Variants in DKK2 observed in about 807,000 individuals in gnomAD.
The protein encoded by DKK2 is dickkopf Wnt signaling pathway inhibitor 2, also known as dickkopf-related protein 2.
DKK2 carries 11 observed loss-of-function variants against 28.1 expected under a neutral mutation model. The observed-to-expected ratio is 0.39, with a 90% CI of 0.25 to 0.65. DKK2 has a LOEUF of 0.65. Ranked by LOEUF, DKK2 falls within the 30% of genes least tolerant of loss-of-function variation. DKK2 has a pLI of 0.47. For synonymous variants in DKK2, 135 were observed against 126.5 expected (o/e 1.07, Z -0.45); for missense variants, 326 against 335.5 (o/e 0.97, Z 0.22).
chr4:106,938,867 A>T (rs1335776651), intron 1 of DKK2, among the ~76,000 whole-genome samples: 52 of 151,466 alleles, frequency 3.4e-4, no homozygotes, highest in Non-Finnish European at 6.9e-4. Flanking sequence ...AAACCACATG[A>T]TTATCTCAAT....
chr4:106,983,395 GA>G (rs1404294017), intron 1 of DKK2, among the ~76,000 whole-genome samples: 4 of 147,360 alleles, frequency 2.7e-5, no homozygotes, highest in Non-Finnish European at 4.5e-5. Flanking sequence ...AAAAGAAAAA[GA>G]AAAAACTTCA....
At chr4:106,945,813 G>T (rs765638074) in intron 1 of DKK2, among the ~76,000 whole-genome samples, 1 of 152,108 alleles carries the variant, frequency 6.6e-6, no homozygotes, top group South Asian at 2.1e-4. Flanking sequence ...CACAAAAATT[G>T]TCTGGGAATT....
chr4:106,934,058 TACACACACACACAC>T (rs148355721), intron 1 of DKK2, among the ~76,000 whole-genome samples: 1 of 140,662 alleles, frequency 7.1e-6, no homozygotes, highest in African/African-American at 2.6e-5. Context: ...TACACACAGA[TACACACACACACAC>T]ACACACACAC....
At chr4:107,007,232 A>C (rs1467908052) in intron 1 of DKK2, among the ~76,000 whole-genome samples, 2 of 152,122 alleles carry the variant, frequency 1.3e-5, no homozygotes, top group Non-Finnish European at 2.9e-5. Context: ...TCTACATGGA[A>C]TTTTAATATC....
chr4:107,013,852 AAAT>A (rs1274530164), intron 1 of DKK2, among the ~76,000 whole-genome samples: 1 of 151,562 alleles, frequency 6.6e-6, no homozygotes, highest in African/African-American at 2.4e-5. Context: ...AGCAAAAAAC[AAAT>A]AATCTCATTT....
rs984193459 is a variant in DKK2 at position 106,921,865 on chromosome 4, A to G, written c.*2089T>C. 6.6e-6 allele frequency: 1 copy of G among 152,608 alleles called. No homozygotes were observed. Among genetic ancestry groups the G allele is most frequent in the African/African-American group, 2.4e-5 (1 of 41,460 alleles). 9.5% of individuals were successfully genotyped at this position (152,608 alleles called of 1,614,324 possible). A position where few individuals can be genotyped will look rare whatever the true frequency, so the allele number is the denominator to read the frequency against. On this transcript the variant is annotated 3_prime_UTR_variant, in exon 4 of 4. Transcript: ENST00000285311. ...TTATTATACATTTTTCCTAAATTAC[A>G]AAGTCAATAGCTGCAAATATATTCT...
intron 1 of DKK2, among the ~76,000 whole-genome samples, chr4:106,993,817 C>A (rs752727977): frequency 1.3e-5 from 2 of 152,026 alleles, no homozygotes; most frequent in East Asian, 1.9e-4. Context: ...TCGGAAGCTG[C>A]GGGGAAAATA....
chr4:106,969,463 C>A (rs1265401318), intron 1 of DKK2, among the ~76,000 whole-genome samples: 1 of 150,860 alleles, frequency 6.6e-6, no homozygotes, highest in Admixed American at 6.6e-5. Context: ...CACAGTTAAA[C>A]AGAAAAAAAA....
chr4:106,944,382 A>T (rs754119310), intron 1 of DKK2, among the ~76,000 whole-genome samples: 13 of 152,146 alleles, frequency 8.5e-5, no homozygotes, highest in Non-Finnish European at 1.3e-4. Flanking sequence ...CTAGGTATTG[A>T]ACCAAATTCA....
At chr4:106,965,107 T>C (rs1722752519) in intron 1 of DKK2, among the ~76,000 whole-genome samples, 1 of 152,116 alleles carries the variant, frequency 6.6e-6, no homozygotes, top group South Asian at 2.1e-4. Context: ...AAATAAGAAA[T>C]ATATTTATCT....
rs71590172 is a variant in DKK2 at position 106,972,421 on chromosome 4, T to TAA, written c.223-46474_223-46473dup. On this transcript the variant is annotated intron_variant, in intron 1 of 3. Coordinates refer to ENST00000285311, the MANE Select transcript of DKK2 (RefSeq NM_014421.3). ...CTTTCCAGGTTTAACAATGAAAATC[T>TAA]AAAAAAAAAAAAAAGACTTTGTTTC... Among the ~76,000 whole-genome samples the TAA allele has an allele frequency of 9.3e-4, 129 of 138,208 alleles. 2 individuals carry two copies. Among genetic ancestry groups the TAA allele is most frequent in the East Asian group, 5.0e-3 (24 of 4,838 alleles). The allele number at this position is 138,208 out of a possible 152,430, so 90.7% of individuals were successfully genotyped here. A position where few individuals can be genotyped will look rare whatever the true frequency, so the allele number is the denominator to read the frequency against.
intron 1 of DKK2, among the ~76,000 whole-genome samples, chr4:107,017,822 A>G (rs1468047725): frequency 1.3e-5 from 2 of 151,960 alleles, no homozygotes; most frequent in Non-Finnish European, 2.9e-5. Flanking sequence ...AGTTTTATAC[A>G]TTTGCCAGTT....
At chr4:106,951,599 C>T (rs1344258958) in intron 1 of DKK2, among the ~76,000 whole-genome samples, 1 of 151,966 alleles carries the variant, frequency 6.6e-6, no homozygotes, top group Non-Finnish European at 1.5e-5. Flanking sequence ...TTGCATATTC[C>T]CACTCATACA....
intron 1 of DKK2, among the ~76,000 whole-genome samples, chr4:106,975,448 ACT>A (rs1408590053): frequency 6.6e-6 from 1 of 150,730 alleles, no homozygotes; most frequent in Non-Finnish European, 1.5e-5. Flanking sequence ...CAGGGATTCG[ACT>A]CTTCCTGGTT....
At chr4:107,015,469 A>G (rs1723584027) in intron 1 of DKK2, among the ~76,000 whole-genome samples, 1 of 151,648 alleles carries the variant, frequency 6.6e-6, no homozygotes. Context: ...CTTTAGACAT[A>G]CAGGATTTGG....
intron 1 of DKK2, among the ~76,000 whole-genome samples, chr4:106,943,559 A>C (rs1190473127): frequency 6.6e-6 from 1 of 152,128 alleles, no homozygotes; most frequent in Admixed American, 6.6e-5. Context: ...TAACCTATAC[A>C]GTATAGAGGG....
At chr4:106,988,075 A>G (rs1560586866) in intron 1 of DKK2, among the ~76,000 whole-genome samples, 1 of 152,148 alleles carries the variant, frequency 6.6e-6, no homozygotes, top group Non-Finnish European at 1.5e-5. Context: ...CATGTTAGCC[A>G]GGATGGTCTC....
intron 1 of DKK2, among the ~76,000 whole-genome samples, chr4:107,011,199 T>G (rs896951774): frequency 6.6e-6 from 1 of 151,558 alleles, no homozygotes; most frequent in African/African-American, 2.4e-5. Flanking sequence ...AGTTGCAATA[T>G]GGAATCTGAA....
chr4:107,002,405 A>C (rs1050324063), intron 1 of DKK2, among the ~76,000 whole-genome samples: 2 of 152,210 alleles, frequency 1.3e-5, no homozygotes, highest in Non-Finnish European at 2.9e-5. Context: ...CAAATGAAAG[A>C]CTTCTTCACC....
Sources: allele counts gnomAD v4.1 joint callset (sites outside exome capture counted in the v4.1 genomes callset), GRCh38; gene constraint gnomAD v4.1.1; transcripts MANE v1.5; gene names NCBI Gene and HGNC (gene_info 2026-07-23, HGNC 2026-07-21).